Variants in SPMIP3 observed in about 807,000 individuals in gnomAD.
SPMIP3 encodes the protein protein SPMIP3.
the SPMIP3 span, among the ~76,000 whole-genome samples, chr1:244,378,228 C>T: frequency 6.6e-6 from 1 of 152,104 alleles, no homozygotes; most frequent in Non-Finnish European, 1.5e-5. Context: ...GTGTGATACG[C>T]ATCACCTCCT....
the SPMIP3 span, among the ~76,000 whole-genome samples, chr1:244,387,115 C>T: frequency 6.6e-6 from 1 of 152,088 alleles, no homozygotes; most frequent in Non-Finnish European, 1.5e-5. Context: ...CTAGCCTGGC[C>T]AACATGGCAA....
chr1:244,360,540 ACACACACACACACACACATGCATG>A, the SPMIP3 span, among the ~76,000 whole-genome samples: 28 of 62,818 alleles, frequency 4.5e-4, no homozygotes, highest in South Asian at 3.5e-3. Context: ...ACACACACAC[ACACACACACACACACACATGCATG>A]CATGGAATAT....
the SPMIP3 span, among the ~76,000 whole-genome samples, chr1:244,370,524 C>T: frequency 1.3e-5 from 2 of 152,234 alleles, no homozygotes; most frequent in African/African-American, 4.8e-5. Flanking sequence ...GGAAAGACAA[C>T]ATTGTCATCA....
At chr1:244,382,252 C>G in the SPMIP3 span, among the ~76,000 whole-genome samples, 1 of 150,810 alleles carries the variant, frequency 6.6e-6, no homozygotes, top group South Asian at 2.1e-4. Flanking sequence ...TGTGGTAGTG[C>G]TATATGGGAA....
the SPMIP3 span, among the ~76,000 whole-genome samples, chr1:244,357,971 C>T: frequency 6.6e-6 from 1 of 152,040 alleles, no homozygotes; most frequent in Admixed American, 6.6e-5. Context: ...ACCTGCAGTC[C>T]AAGCTACTCA....
the SPMIP3 span, chr1:244,389,252 T>A: frequency 1.2e-4 from 54 of 466,708 alleles, no homozygotes; most frequent in Non-Finnish European, 1.6e-4. Flanking sequence ...TCAAGATCTA[T>A]CCTTAAGAGA....
the SPMIP3 span, chr1:244,389,002 C>G: frequency 6.2e-7 from 1 of 1,614,014 alleles, no homozygotes; most frequent in Non-Finnish European, 8.5e-7. Context: ...CCGCTTAATT[C>G]ACTGCCAGAG....
At chr1:244,375,654 A>C in the SPMIP3 span, 2 of 476,764 alleles carry the variant, frequency 4.2e-6, no homozygotes, top group South Asian at 6.0e-5. Flanking sequence ...GAGTGGTGAG[A>C]TTATTCTTAT....
the SPMIP3 span, among the ~76,000 whole-genome samples, chr1:244,358,010 C>A: frequency 2.0e-5 from 3 of 152,006 alleles, no homozygotes; most frequent in Non-Finnish European, 2.9e-5. Flanking sequence ...ATCACTTGAG[C>A]CCAGGAGGTT....
At chr1:244,385,423 G>C in the SPMIP3 span, among the ~76,000 whole-genome samples, 25 of 152,234 alleles carry the variant, frequency 1.6e-4, 1 homozygote, top group South Asian at 5.2e-3. Flanking sequence ...CAGAGTGGAG[G>C]GTATGGAGAA....
chr1:244,381,243 C>T, the SPMIP3 span, among the ~76,000 whole-genome samples: 1 of 152,026 alleles, frequency 6.6e-6, no homozygotes, highest in Non-Finnish European at 1.5e-5. Flanking sequence ...GGGTTCCGGT[C>T]CCCACAGAAC....
At chr1:244,374,770 G>A in the SPMIP3 span, among the ~76,000 whole-genome samples, 2 of 150,390 alleles carry the variant, frequency 1.3e-5, no homozygotes, top group Non-Finnish European at 3.0e-5. Context: ...CTTTTTTTTT[G>A]TATTTTTAGT....
chr1:244,369,545 A>G, the SPMIP3 span, among the ~76,000 whole-genome samples: 1 of 152,148 alleles, frequency 6.6e-6, no homozygotes, highest in Non-Finnish European at 1.5e-5. Flanking sequence ...CGGAGGTTTA[A>G]TAGGCTAAAG....
the SPMIP3 span, among the ~76,000 whole-genome samples, chr1:244,369,857 G>C: frequency 1.3e-5 from 2 of 151,430 alleles, no homozygotes; most frequent in East Asian, 3.9e-4. Flanking sequence ...CTGCCTAGCC[G>C]GGTCACGTTC....
At chr1:244,363,804 C>A in the SPMIP3 span, among the ~76,000 whole-genome samples, 1 of 152,200 alleles carries the variant, frequency 6.6e-6, no homozygotes. Context: ...TGGAAAAGTG[C>A]CATATGCTCC....
chr1:244,366,062 A>T, the SPMIP3 span, among the ~76,000 whole-genome samples: 3 of 152,204 alleles, frequency 2.0e-5, no homozygotes, highest in Non-Finnish European at 4.4e-5. Flanking sequence ...GGTCTGCAGC[A>T]GTGTAGTAGC....
At chr1:244,378,601 C>T in the SPMIP3 span, 7 of 1,614,086 alleles carry the variant, frequency 4.3e-6, no homozygotes, top group Non-Finnish European at 5.9e-6. Context: ...AAAGAAACCA[C>T]TTACCGACGA....
the SPMIP3 span, among the ~76,000 whole-genome samples, chr1:244,372,780 G>T: frequency 1.3e-5 from 2 of 152,170 alleles, no homozygotes; most frequent in Admixed American, 1.3e-4. Context: ...CTCAGAATCT[G>T]TGGGACATCC....
the SPMIP3 span, among the ~76,000 whole-genome samples, chr1:244,370,483 G>T: frequency 3.9e-5 from 6 of 152,332 alleles, no homozygotes; most frequent in South Asian, 1.2e-3. Flanking sequence ...CCTAAACGTG[G>T]CTTTCCTGAC....
Sources: allele counts gnomAD v4.1 joint callset (sites outside exome capture counted in the v4.1 genomes callset), GRCh38; gene constraint gnomAD v4.1.1; transcripts MANE v1.5; gene names NCBI Gene and HGNC (gene_info 2026-07-23, HGNC 2026-07-21).